Variants in ZNF710 observed in about 807,000 individuals in gnomAD.
ZNF710 encodes the protein zinc finger protein 710.
Under a neutral mutation model 50.6 loss-of-function variants are expected in ZNF710, and 13 were observed. The observed-to-expected ratio is 0.26, with a 90% confidence interval of 0.17 to 0.41. The LOEUF is 0.41. ZNF710 is among the 10% of genes least tolerant of loss of function. The pLI is 1.00. For missense variants in ZNF710, 721 were observed against 936.6 expected, an observed-to-expected ratio of 0.77 and a Z score of 3.01; for synonymous variants, 383 against 397.0, an observed-to-expected ratio of 0.96 and a Z score of 0.42.
At chr15:90,054,423 C>G in intron 1 of ZNF710, among the ~76,000 whole-genome samples, 1 of 152,128 alleles carries the variant, frequency 6.6e-6, no homozygotes, top group East Asian at 1.9e-4. Context: ...AACAGGTTGG[C>G]AGGGGAGGAA....
intron 1 of ZNF710, among the ~76,000 whole-genome samples, chr15:90,022,378 AAAAAC>A (rs1373405114): frequency 2.0e-5 from 3 of 152,318 alleles, no homozygotes; most frequent in East Asian, 1.9e-4. Context: ...TCTGTCTCAA[AAAAAC>A]AAAACAAAAC....
rs868723484 is a variant in ZNF710, at chr15:90,037,363, C to T, written c.-28-29747C>T. 5.3e-5 allele frequency among the ~76,000 whole-genome samples: 8 copies of T among 152,288 alleles called. No homozygotes were observed. In the East Asian group the frequency reaches 5.8e-4, roughly 11 times the overall value. On this transcript the variant is annotated intron_variant, in intron 1 of 4. Coordinates refer to ENST00000268154, the MANE Select transcript of ZNF710 (RefSeq NM_198526.4). ...GACTGGGAATCCCCAGGAGGGCTTT[C>T]GAAAGTGTCAGGAACCGCTCCTTCC... is the stretch of plus-strand genomic sequence containing the variant.
chr15:90,050,564 C>CT (rs1899608483), intron 1 of ZNF710, among the ~76,000 whole-genome samples: 1 of 152,210 alleles, frequency 6.6e-6, no homozygotes. Flanking sequence ...CCTCATTTGT[C>CT]TAACGGGCTC....
chr15:90,035,644 G>A (rs572460464), intron 1 of ZNF710, among the ~76,000 whole-genome samples: 12 of 152,228 alleles, frequency 7.9e-5, no homozygotes, highest in South Asian at 2.1e-4. Context: ...GGGAAGCCCC[G>A]CACTTCCTAA....
intron 1 of ZNF710, among the ~76,000 whole-genome samples, chr15:90,005,914 G>T (rs1898129474): frequency 6.6e-6 from 1 of 152,134 alleles, no homozygotes; most frequent in South Asian, 2.1e-4. Flanking sequence ...TAAATAACTT[G>T]TCCAAGGGCA....
chr15:90,079,569 C>T, intron 4 of ZNF710, 91 bp from the exon 5 acceptor site: 1 of 1,507,452 alleles, frequency 6.6e-7, no homozygotes, highest in Non-Finnish European at 9.0e-7. Flanking sequence ...GGGAAGCCCT[C>T]TCTTTAGAAA....
chr15:90,019,187 C>CTTTTTTTTTTTTTTTTTTTTTTCTTTT (rs11285838), intron 1 of ZNF710, among the ~76,000 whole-genome samples: 1 of 89,390 alleles, frequency 1.1e-5, no homozygotes, highest in African/African-American at 4.5e-5. Context: ...CTTTTTCTTT[C>CTTTTTTTTTTTTTTTTTTTTTTCTTTT]TTTTTTTTTT....
intron 1 of ZNF710, among the ~76,000 whole-genome samples, chr15:90,008,080 A>G (rs1054122278): frequency 1.3e-5 from 2 of 152,152 alleles, no homozygotes; most frequent in East Asian, 1.9e-4. Context: ...AGGTGGCAAC[A>G]GGAAATTGGG....
intron 1 of ZNF710, among the ~76,000 whole-genome samples, chr15:90,003,030 C>A (rs1254656984): frequency 6.6e-6 from 1 of 152,218 alleles, no homozygotes; most frequent in Non-Finnish European, 1.5e-5. Context: ...CACGCCACCA[C>A]GCCCGTTTAA....
intron 1 of ZNF710, among the ~76,000 whole-genome samples, chr15:90,011,485 A>C (rs1328893892): frequency 6.6e-6 from 1 of 152,228 alleles, no homozygotes. Context: ...AGAATGCTTT[A>C]TATAAAGTCA....
chr15:90,038,740 T>TGTGTGTGTGTGTGTGTGTGTGTGAGA (rs150950322), intron 1 of ZNF710, among the ~76,000 whole-genome samples: 1 of 148,528 alleles, frequency 6.7e-6, no homozygotes, highest in East Asian at 1.9e-4. Flanking sequence ...TGTGTGTGTG[T>TGTGTGTGTGTGTGTGTGTGTGTGAGA]GAGACATTGG....
Position 90,067,571 on chromosome 15 carries a change from G to A in ZNF710, c.434G>A (p.Gly145Asp), listed in dbSNP as rs761109291. The A allele has an allele frequency of 6.2e-7, 1 of 1,611,072 alleles. No individual in the cohort carries two copies. The highest frequency in any genetic ancestry group is 8.5e-7 in the Non-Finnish European group (1 of 1,178,704). Residue 145 changes from glycine (G) to aspartate (D), a missense_variant, in exon 2 of 5, where the codon GGC becomes GAC. Gly to Asp is a moderately conservative substitution (Grantham distance 94). Coordinates refer to ENST00000268154, the MANE Select transcript of ZNF710 (RefSeq NM_198526.4). This position sits in a 1 kb window ranked among gnomAD's most constrained non-coding sequence, Gnocchi z 8.1. ...GAAGCCCCCGCCGAGGCGGCCAGTG[G>A]CGGCTGCGACGCCCTGGTGCAGAGC... ...PAEAPAEAAS[G>D]GCDALVQSSA...
At chr15:90,047,955 A>G (rs1476733868) in intron 1 of ZNF710, among the ~76,000 whole-genome samples, 1 of 152,206 alleles carries the variant, frequency 6.6e-6, no homozygotes, top group Non-Finnish European at 1.5e-5. Flanking sequence ...TGTGAGGAGC[A>G]ATGTTCTAAA....
rs1898010912 is a variant in ZNF710, at chr15:90,001,573, C to CCCGGT, written c.-67_-66insGTCCG. 6.9e-6 allele frequency: 1 copy of CCCGGT among 145,400 alleles called. No individual in the cohort carries two copies. The highest frequency in any genetic ancestry group is 1.5e-5 in the Non-Finnish European group (1 of 65,240). The allele number at this position is 145,400 out of a possible 1,614,324, so 9.0% of individuals were successfully genotyped here. On this transcript the variant is annotated 5_prime_UTR_variant, in exon 1 of 5. Transcript: ENST00000268154. ...GAGCCCCCGGCCCGGCCCGGCCCGG[C>CCCGGT]CCGCCGAGGGCCCCAGCGCAGGAGC...
At chr15:90,030,496 GTC>G (rs1392345235) in intron 1 of ZNF710, among the ~76,000 whole-genome samples, 1 of 152,094 alleles carries the variant, frequency 6.6e-6, no homozygotes, top group Non-Finnish European at 1.5e-5. Flanking sequence ...TCATTTCCTT[GTC>G]TCTGAACGAA....
At chr15:90,026,339 C>T (rs7180518) in intron 1 of ZNF710, among the ~76,000 whole-genome samples, 89,001 of 148,732 alleles carry the variant, frequency 0.6, 27,953 homozygotes, top group African/African-American at 0.75. Context: ...ATAATAGAAA[C>T]GTATGCACAA....
chr15:90,074,693 C>T (rs1348353217), intron 4 of ZNF710: 11 of 369,278 alleles, frequency 3.0e-5, no homozygotes, highest in Non-Finnish European at 5.5e-5. Context: ...GTGACAGACA[C>T]TTTATTTCGT....
chr15:90,043,315 T>G (rs1899358607), intron 1 of ZNF710, among the ~76,000 whole-genome samples: 1 of 152,216 alleles, frequency 6.6e-6, no homozygotes, highest in Non-Finnish European at 1.5e-5. Context: ...CGAGCTGCCT[T>G]TGGAGACTGA....
intron 1 of ZNF710, among the ~76,000 whole-genome samples, chr15:90,057,589 C>T (rs865895239): frequency 1.3e-5 from 2 of 151,748 alleles, no homozygotes; most frequent in African/African-American, 2.4e-5. Flanking sequence ...CCCAGCTACT[C>T]GGGTGGCTGA....
Sources: gnomAD v4.1 joint callset for allele counts (sites outside exome capture counted in the v4.1 genomes callset) on GRCh38, gnomAD v4.1.1 for gene constraint, Gnocchi (gnomAD v3.1) non-coding constraint, MANE v1.5 for transcripts, NCBI Gene and HGNC (gene_info 2026-07-23, HGNC 2026-07-21) for gene names.